Variants in SEMA6D observed in about 807,000 individuals in gnomAD.
SEMA6D encodes the protein semaphorin 6D, also known as semaphorin-6D.
SEMA6D carries 35 observed loss-of-function variants against 106.6 expected under a neutral mutation model. The observed-to-expected ratio is 0.33, with a 90% confidence interval of 0.25 to 0.44. The LOEUF (loss-of-function observed/expected upper bound fraction) is 0.44. SEMA6D is among the 20% of genes least tolerant of loss of function. The pLI is 1.00. For synonymous variants in SEMA6D, 499 were observed against 487.7 expected (o/e 1.02, Z -0.31); for missense variants, 1,185 against 1,345.9 (o/e 0.88, Z 1.87).
At chr15:47,703,069 G>A (rs1194171615) in intron 4 of SEMA6D, among the ~76,000 whole-genome samples, 2 of 152,144 alleles carry the variant, frequency 1.3e-5, no homozygotes, top group Non-Finnish European at 2.9e-5. Context: ...ATGTGAAAAT[G>A]TATTTATTTA....
chr15:47,715,497 A>G (rs141145135), upstream of SEMA6D, among the ~76,000 whole-genome samples: 1 of 152,302 alleles, frequency 6.6e-6, no homozygotes, highest in African/African-American at 2.4e-5. Context: ...GGTAAAGGAT[A>G]CCATTCGTAC....
intron 1 of SEMA6D, among the ~76,000 whole-genome samples, chr15:47,227,438 T>TTTCTTTCTTTCTTTCTTTC (rs374904188): frequency 0.092 from 7,116 of 77,110 alleles, 285 homozygotes; most frequent in Middle Eastern, 0.18. Flanking sequence ...TCTTTCTTTC[T>TTTCTTTCTTTCTTTCTTTC]TTTCTTTCTT....
intron 2 of SEMA6D, among the ~76,000 whole-genome samples, chr15:47,437,846 C>T (rs931014211): frequency 1.3e-5 from 2 of 152,032 alleles, no homozygotes; most frequent in African/African-American, 4.8e-5. Context: ...CCAAAAATAA[C>T]CCCTTAAAAT....
intron 1 of SEMA6D, among the ~76,000 whole-genome samples, chr15:47,292,503 A>G (rs754101824): frequency 2.6e-5 from 4 of 152,074 alleles, no homozygotes; most frequent in African/African-American, 4.8e-5. Flanking sequence ...CAAACAGATG[A>G]GTTTTTAAAA....
At chr15:47,554,790 T>C (rs2045867774) in intron 3 of SEMA6D, among the ~76,000 whole-genome samples, 1 of 152,116 alleles carries the variant, frequency 6.6e-6, no homozygotes, top group Non-Finnish European at 1.5e-5. Flanking sequence ...GTGTAGCTTC[T>C]GTGTATTTTC....
intron 1 of SEMA6D, among the ~76,000 whole-genome samples, chr15:47,351,140 A>G (rs960402631): frequency 1.2e-4 from 18 of 152,136 alleles, no homozygotes; most frequent in Non-Finnish European, 1.2e-4. Context: ...CCTTCTTCCT[A>G]AAGAAAATGT....
chr15:47,586,418 A>T (rs1790828798), intron 3 of SEMA6D, among the ~76,000 whole-genome samples: 1 of 152,182 alleles, frequency 6.6e-6, no homozygotes, highest in Admixed American at 6.5e-5. Context: ...ACTGTAGGGC[A>T]GTCTTGGTTG....
intron 1 of SEMA6D, among the ~76,000 whole-genome samples, chr15:47,733,681 T>C (rs969874063): frequency 4.6e-5 from 7 of 152,124 alleles, no homozygotes; most frequent in Admixed American, 1.3e-4. Flanking sequence ...ACTGGAAAGT[T>C]AGGATAATAT....
chr15:47,418,867 G>A (rs1052644851), intron 2 of SEMA6D, among the ~76,000 whole-genome samples: 1 of 152,118 alleles, frequency 6.6e-6, no homozygotes, highest in Non-Finnish European at 1.5e-5. Context: ...GGTAGTCACA[G>A]GATATGAAAG....
chr15:47,535,337 G>C (rs1042594540), intron 3 of SEMA6D, among the ~76,000 whole-genome samples: 3 of 152,122 alleles, frequency 2.0e-5, no homozygotes, highest in Admixed American at 2.0e-4. Flanking sequence ...CATAAAGGTA[G>C]ACAGAAGTCA....
At chr15:47,457,869 A>G (rs945992755) in intron 2 of SEMA6D, among the ~76,000 whole-genome samples, 1 of 151,924 alleles carries the variant, frequency 6.6e-6, no homozygotes, top group East Asian at 1.9e-4. Context: ...GCTGAAAACC[A>G]GTGATAAACA....
At chr15:47,346,310 T>C (rs1032544020) in intron 1 of SEMA6D, among the ~76,000 whole-genome samples, 2 of 152,170 alleles carry the variant, frequency 1.3e-5, no homozygotes, top group African/African-American at 4.8e-5. Flanking sequence ...GGCCATGGAA[T>C]AGTGTCAGGA....
intron 1 of SEMA6D, among the ~76,000 whole-genome samples, chr15:47,321,391 C>T (rs2036916166): frequency 6.6e-6 from 1 of 152,078 alleles, no homozygotes; most frequent in South Asian, 2.1e-4. Context: ...TTTCATTGGC[C>T]ATCCTTTATC....
At chr15:47,205,720 G>A (rs967094917) in intron 1 of SEMA6D, among the ~76,000 whole-genome samples, 13 of 151,968 alleles carry the variant, frequency 8.6e-5, no homozygotes, top group African/African-American at 2.7e-4. Flanking sequence ...CATTCGAATA[G>A]ACCATAATAA....
chr15:47,338,409 A>C (rs1367151687), intron 1 of SEMA6D, among the ~76,000 whole-genome samples: 1 of 152,156 alleles, frequency 6.6e-6, no homozygotes, highest in Non-Finnish European at 1.5e-5. Context: ...TAAATGCTTG[A>C]GGGGATGGAT....
intron 1 of SEMA6D, among the ~76,000 whole-genome samples, chr15:47,367,994 T>C (rs2039124610): frequency 1.3e-5 from 2 of 151,632 alleles, no homozygotes; most frequent in Non-Finnish European, 2.9e-5. Flanking sequence ...GAACATTTGG[T>C]GTGTGACTTG....
chr15:47,221,681 A>C (rs966379133), intron 1 of SEMA6D, among the ~76,000 whole-genome samples: 1 of 152,244 alleles, frequency 6.6e-6, no homozygotes, highest in Non-Finnish European at 1.5e-5. Flanking sequence ...TGATTTTGTC[A>C]TCAACAGGTA....
chr15:47,684,575 G>T lies in SEMA6D; in HGVS notation c.-54-75170G>T, dbSNP rs548234607. Among the ~76,000 whole-genome samples, 4 of 152,168 alleles carry T rather than the reference G, an allele frequency of 2.6e-5. No homozygotes were observed. In the South Asian group the frequency reaches 8.3e-4, roughly 32 times the overall value. On this transcript the variant is annotated intron_variant, in intron 4 of 19. Coordinates refer to the SEMA6D transcript ENST00000558014. ...ATTTAGTTCACTGTTGTGTTTCCTG[G>T]AGTTTATAATAATGCCCAGTACATA...
intron 1 of SEMA6D, among the ~76,000 whole-genome samples, chr15:47,352,872 G>A (rs2038380801): frequency 6.6e-6 from 1 of 152,202 alleles, no homozygotes; most frequent in Non-Finnish European, 1.5e-5. Flanking sequence ...TGCCTATGCA[G>A]TTAACATCAT....
Sources: allele counts gnomAD v4.1 joint callset (sites outside exome capture counted in the v4.1 genomes callset), GRCh38; gene constraint gnomAD v4.1.1; transcripts MANE v1.5; gene names NCBI Gene and HGNC (gene_info 2026-07-23, HGNC 2026-07-21).